Variants in LRRC1 observed in about 807,000 individuals in gnomAD.
LRRC1 encodes the protein leucine-rich repeat-containing protein 1.
LRRC1 carries 28 observed loss-of-function variants against 69.9 expected under a neutral mutation model. The ratio of observed to expected loss-of-function variants is 0.40; its 90% CI spans 0.30 to 0.55. LRRC1 has a LOEUF of 0.55. Ranked by LOEUF, LRRC1 falls within the 20% of genes least tolerant of loss-of-function variation. The probability of loss-of-function intolerance (pLI) is 0.47; values close to 1 mark genes in which losing one functional copy is unlikely to be tolerated. For synonymous variants in LRRC1, 236 were observed against 240.2 expected (o/e 0.98, Z 0.16); for missense variants, 498 against 609.0 (o/e 0.82, Z 1.92).
chr6:53,871,326 A>G (rs1351958075), intron 2 of LRRC1, among the ~76,000 whole-genome samples: 1 of 152,060 alleles, frequency 6.6e-6, no homozygotes, highest in African/African-American at 2.4e-5. Context: ...GATAATAGCT[A>G]TAATAACTGG....
chr6:53,913,174 G>A (rs1445316888), intron 10 of LRRC1, among the ~76,000 whole-genome samples: 1 of 151,974 alleles, frequency 6.6e-6, no homozygotes, highest in Non-Finnish European at 1.5e-5. Flanking sequence ...TTTATGAGCA[G>A]GCTGCAGCTG....
intron 2 of LRRC1, among the ~76,000 whole-genome samples, chr6:53,853,385 A>G (rs534643554): frequency 6.6e-6 from 1 of 151,482 alleles, no homozygotes; most frequent in Admixed American, 6.6e-5. Flanking sequence ...CCCAGGTTCA[A>G]GTGATTCTCC....
intron 12 of LRRC1, 192 bp from the exon 13 acceptor site, chr6:53,920,433 T>A (rs1467537983): frequency 1.9e-6 from 1 of 523,958 alleles, no homozygotes; most frequent in Non-Finnish European, 3.4e-6. Flanking sequence ...GTCCCAGGCC[T>A]TTTTCTTTTT....
chr6:53,859,146 T>A (rs1766414137), intron 2 of LRRC1, among the ~76,000 whole-genome samples: 2 of 152,050 alleles, frequency 1.3e-5, no homozygotes, highest in Non-Finnish European at 2.9e-5. Context: ...GCTGCCTCTG[T>A]AGGTTTGAAA....
chr6:53,888,468 A>G (rs1327875824), intron 4 of LRRC1, among the ~76,000 whole-genome samples: 1 of 152,204 alleles, frequency 6.6e-6, no homozygotes, highest in African/African-American at 2.4e-5. Flanking sequence ...AATAAGTGGT[A>G]AGATAATGTG....
At chr6:53,827,310 C>CAG (rs1554180596) in intron 1 of LRRC1, among the ~76,000 whole-genome samples, 27 of 126,046 alleles carry the variant, frequency 2.1e-4, no homozygotes, top group Admixed American at 6.4e-4. Flanking sequence ...AACACTTCCA[C>CAG]AAAAAAAAAA....
intron 2 of LRRC1, among the ~76,000 whole-genome samples, chr6:53,865,394 G>A (rs1285035872): frequency 2.0e-5 from 3 of 152,050 alleles, no homozygotes; most frequent in Admixed American, 2.0e-4. Flanking sequence ...CTCAAATGGG[G>A]AAATTGTTTA....
intron 2 of LRRC1, among the ~76,000 whole-genome samples, chr6:53,865,802 A>G (rs1281895915): frequency 1.3e-5 from 2 of 149,496 alleles, no homozygotes; most frequent in Admixed American, 1.3e-4. Flanking sequence ...GCTCACTGCA[A>G]CCTCTACCTC....
At chr6:53,867,644 A>ATTTATT (rs1187903987) in intron 2 of LRRC1, among the ~76,000 whole-genome samples, 1 of 152,046 alleles carries the variant, frequency 6.6e-6, no homozygotes, top group Non-Finnish European at 1.5e-5. Flanking sequence ...AGTATGATTA[A>ATTTATT]TTTATTTTTA....
chr6:53,920,609 G>A lies in LRRC1; in HGVS notation c.1280-16G>A, dbSNP rs776435212. On this transcript the variant is annotated splice_polypyrimidine_tract_variant and intron_variant, in intron 12 of 13. Coordinates refer to ENST00000370888, the MANE Select transcript of LRRC1 (RefSeq NM_018214.5). ...TGAAACGCAATTCCCTGCTTATGTG[G>A]TCTTTGTCACTGCAGAGAATCTGCC... The A allele has an allele frequency of 4.3e-6, 7 of 1,614,094 alleles. No individual in the cohort carries two copies. Among genetic ancestry groups the A allele is most frequent in the Non-Finnish European group, 5.1e-6 (6 of 1,179,980 alleles).
intron 2 of LRRC1, among the ~76,000 whole-genome samples, chr6:53,843,838 T>G (rs1047221395): frequency 1.3e-5 from 2 of 152,198 alleles, no homozygotes; most frequent in Non-Finnish European, 2.9e-5. Flanking sequence ...GTGGCCTCTT[T>G]TTGTGACTTC....
At chr6:53,868,974 T>C (rs1766795269) in intron 2 of LRRC1, among the ~76,000 whole-genome samples, 1 of 152,210 alleles carries the variant, frequency 6.6e-6, no homozygotes, top group Non-Finnish European at 1.5e-5. Flanking sequence ...ACTTACATTA[T>C]GATATACTAG....
intron 11 of LRRC1, among the ~76,000 whole-genome samples, chr6:53,915,909 G>A (rs563866564): frequency 9.9e-5 from 15 of 152,254 alleles, no homozygotes; most frequent in South Asian, 4.1e-4. Context: ...TTGCAGAAAC[G>A]TCATACCATG....
At chr6:53,870,449 C>A (rs1458034887) in intron 2 of LRRC1, among the ~76,000 whole-genome samples, 1 of 152,094 alleles carries the variant, frequency 6.6e-6, no homozygotes, top group Non-Finnish European at 1.5e-5. Context: ...TGAGACACCT[C>A]TTTTCAAATT....
Position 53,835,365 on chromosome 6 carries a change from A to G in LRRC1, c.160-6745A>G, listed in dbSNP as rs529506815. ...GCACAGGGAAGGTATTTTGAAATGC[A>G]ATTCTATAATTTTTAGAGCTACAAA... is the stretch of plus-strand genomic sequence containing the variant. On this transcript the variant is annotated intron_variant, in intron 1 of 13. Transcript: ENST00000370888. Among the ~76,000 whole-genome samples, 3 of 152,324 alleles carry G rather than the reference A, an allele frequency of 2.0e-5. No individual in the cohort carries two copies. The East Asian group carries it at 5.8e-4, about 29-fold the overall frequency.
At chr6:53,825,365 A>G (rs1203176790) in intron 1 of LRRC1, among the ~76,000 whole-genome samples, 3 of 152,220 alleles carry the variant, frequency 2.0e-5, no homozygotes, top group Non-Finnish European at 4.4e-5. Context: ...TAATTGTGTA[A>G]GAGCCTGCTA....
intron 1 of LRRC1, among the ~76,000 whole-genome samples, chr6:53,812,341 G>C (rs919288375): frequency 3.9e-5 from 6 of 152,288 alleles, no homozygotes; most frequent in Non-Finnish European, 8.8e-5. Flanking sequence ...GTGGTTGGGG[G>C]AGTGAAGGAT....
chr6:53,811,998 A>T (rs531831913), intron 1 of LRRC1, among the ~76,000 whole-genome samples: 6 of 152,336 alleles, frequency 3.9e-5, no homozygotes, highest in African/African-American at 1.4e-4. Context: ...CTGTGTTGTG[A>T]AGCTAATAGC....
At chr6:53,897,189 C>T (rs1221029414) in intron 6 of LRRC1, 96 bp from the exon 7 acceptor site, 3 of 792,274 alleles carry the variant, frequency 3.8e-6, no homozygotes, top group Non-Finnish European at 6.2e-6. Flanking sequence ...TGCTAAGGTA[C>T]CCAGTTGTTA....
Sources: allele counts gnomAD v4.1 joint callset (sites outside exome capture counted in the v4.1 genomes callset), GRCh38; gene constraint gnomAD v4.1.1; transcripts MANE v1.5; gene names NCBI Gene and HGNC (gene_info 2026-07-23, HGNC 2026-07-21).